The following OARD1 variants were observed in gnomAD, a reference collection of about 807,000 sequenced individuals.
OARD1 encodes O-acyl-ADP-ribose deacylase 1.
In OARD1, 19 loss-of-function variants were observed where a neutral mutation model predicts 19.7. The observed-to-expected ratio is 0.96, with a 90% CI of 0.67 to 1.41. The LOEUF is 1.41. OARD1 is among the 40% of genes most tolerant of loss of function. OARD1 has a pLI of 0.00. For synonymous variants in OARD1, 70 were observed against 61.8 expected, an observed-to-expected ratio of 1.13 and a Z score of -0.62; for missense variants, 190 against 183.8, an observed-to-expected ratio of 1.03 and a Z score of -0.20.
At chr6:41,071,870 G>A (rs1040468122) in intron 1 of OARD1, 195 bp from the exon 2 acceptor site, 5 of 516,632 alleles carry the variant, frequency 9.7e-6, no homozygotes, top group African/African-American at 7.6e-5. Context: ...AGGCTGTCTC[G>A]ACCCGCTCTC....
At chr6:41,076,253 A>C (rs1360321172), upstream of OARD1, among the ~76,000 whole-genome samples, 1 of 152,174 alleles carries the variant, frequency 6.6e-6, no homozygotes, top group East Asian at 1.9e-4. Context: ...TAAAAGAAAA[A>C]AAAGAATAGA....
upstream of OARD1, among the ~76,000 whole-genome samples, chr6:41,075,878 C>T (rs1304516532): frequency 2.0e-5 from 3 of 152,078 alleles, no homozygotes; most frequent in African/African-American, 4.8e-5. Flanking sequence ...TTTGAATCTT[C>T]GTCAGAGATT....
upstream of OARD1, chr6:41,072,548 G>A (rs1210726967): frequency 1.3e-5 from 2 of 152,312 alleles, no homozygotes; most frequent in African/African-American, 2.4e-5. Flanking sequence ...CTTTGGCGAA[G>A]GCCGCCGAAC....
At chr6:41,082,717 A>T (rs1763942724) in intron 1 of OARD1, among the ~76,000 whole-genome samples, 1 of 152,218 alleles carries the variant, frequency 6.6e-6, no homozygotes, top group African/African-American at 2.4e-5. Flanking sequence ...TGCTATATGT[A>T]TTCTGAGAAA....
At chr6:41,094,278 G>A (rs1205064143) in intron 1 of OARD1, 2 of 764,226 alleles carry the variant, frequency 2.6e-6, no homozygotes, top group Non-Finnish European at 4.4e-6. Context: ...AGTCATAATT[G>A]TCCCTTGTGA....
At position 41,067,355 on chromosome 6, in the gene OARD1, T is replaced by A; in HGVS notation, c.439A>T (p.Ile147Phe). Residue 147 changes from isoleucine (I) to phenylalanine (F), a missense_variant, in exon 6 of 6, where the codon ATT (isoleucine) becomes TTT (phenylalanine). Coordinates refer to ENST00000424266, the MANE Select transcript of OARD1 (RefSeq NM_001329686.2). ...CTGGTTCAGAGTGTGTACACAGTAA[T>A]TTTGATGTCTGTTGCCTCAAATACC... The part of the protein sequence containing the change: ...EEVFEATDIK[I>F]TVYTL 1.2e-6 allele frequency: 2 copies of A among 1,611,218 alleles called. No individual in the cohort carries two copies. Among genetic ancestry groups the A allele is most frequent in the Non-Finnish European group, 8.5e-7 (1 of 1,177,416 alleles).
rs76798198 is a variant in OARD1, at chr6:41,095,216, A to ACTC, written c.-42+2496_-42+2497insGAG. ...TAGACTGACATCCAAAGTGCTTACT[A>ACTC]CTATGCCCAGCAAAGCCTTACATGC... On this transcript the variant is annotated intron_variant, in intron 1 of 4. Transcript: ENST00000480585. 4.3e-4 allele frequency among the ~76,000 whole-genome samples: 66 copies of ACTC among 152,216 alleles called. 2 individuals are homozygous for ACTC. The East Asian group carries it at 0.013, about 29-fold the overall frequency.
intron 3 of OARD1, 40 bp downstream of exon 3, chr6:41,071,092 C>G (rs1432937634): frequency 2.5e-6 from 4 of 1,605,476 alleles, no homozygotes; most frequent in East Asian, 4.5e-5. Flanking sequence ...AAAAGGTGCT[C>G]TAGCCAGGGC....
intron 1 of OARD1, among the ~76,000 whole-genome samples, chr6:41,095,541 C>A (rs1764325729): frequency 6.6e-6 from 1 of 152,058 alleles, no homozygotes; most frequent in African/African-American, 2.4e-5. Flanking sequence ...AGTGATCCTC[C>A]CACTTTAGGC....
intron 1 of OARD1, chr6:41,097,415 A>T: frequency 6.2e-7 from 1 of 1,613,794 alleles, no homozygotes; most frequent in East Asian, 2.2e-5. Context: ...TCCTAACCCC[A>T]CGCCATGTGA....
At chr6:41,094,885 G>A (rs896141327) in intron 1 of OARD1, among the ~76,000 whole-genome samples, 10 of 152,150 alleles carry the variant, frequency 6.6e-5, no homozygotes, top group Non-Finnish European at 1.0e-4. Context: ...ATTCTTTCTT[G>A]AAAATCACAC....
rs1698672624 is a variant in OARD1, at chr6:41,071,151, C to T, written c.165G>A (p.Val55=). The part of the protein sequence containing the change: ...AVLFKKKFGG[V]QELLNQQKKS... ...ACTCACGTTGATTTAAAAGTTCTTG[C>T]ACCCCTCCAAATTTCTTCTTAAAGA... is the stretch of plus-strand genomic sequence containing the variant. The change falls in exon 3 of 6, where the codon GTG becomes GTA. Residue 55 remains valine (V), a synonymous_variant. Transcript: ENST00000424266. The T allele has an allele frequency of 1.9e-6, 3 of 1,614,236 alleles. No individual in the cohort carries two copies. Among genetic ancestry groups the T allele is most frequent in the Non-Finnish European group, 2.5e-6 (3 of 1,180,036 alleles).
chr6:41,093,221 A>G (rs1419573999), intron 1 of OARD1: 2 of 758,216 alleles, frequency 2.6e-6, no homozygotes, highest in Non-Finnish European at 4.0e-6. Flanking sequence ...CTTTTGTAAG[A>G]GTTAGCATTT....
At position 41,071,644 on chromosome 6, in the gene OARD1, T is replaced by C. The variant is rs766733649; in HGVS notation, c.-10A>G. ...TAAGGCTGCTGGCCATGATACTGAG[T>C]CGCTATTTCCAGAATTTAAGTGTTT... is the stretch of plus-strand genomic sequence containing the variant. On this transcript the variant is annotated 5_prime_UTR_variant, in exon 2 of 6. Coordinates refer to ENST00000424266, the MANE Select transcript of OARD1 (RefSeq NM_001329686.2). 8 of 1,611,984 alleles carry C rather than the reference T, an allele frequency of 5.0e-6. No homozygotes were observed. The highest frequency in any genetic ancestry group is 6.8e-6 in the Non-Finnish European group (8 of 1,178,150).
intron 1 of OARD1, among the ~76,000 whole-genome samples, chr6:41,093,716 C>G (rs1764262039): frequency 1.3e-5 from 2 of 152,228 alleles, no homozygotes; most frequent in African/African-American, 2.4e-5. Context: ...GGTGATCCAC[C>G]TGCCTGGGCC....
upstream of OARD1, among the ~76,000 whole-genome samples, chr6:41,076,380 T>C (rs1427726963): frequency 6.6e-6 from 1 of 152,264 alleles, no homozygotes; most frequent in Non-Finnish European, 1.5e-5. Flanking sequence ...ATGTGTTTCT[T>C]ACTAAGGGTT....
At chr6:41,074,800 C>T (rs897912704), upstream of OARD1, among the ~76,000 whole-genome samples, 38 of 152,154 alleles carry the variant, frequency 2.5e-4, no homozygotes, top group Admixed American at 1.5e-3. Flanking sequence ...AAACGAGTTT[C>T]TGACTTGTTT....
rs1763832146 is a variant in OARD1 at position 41,078,992 on chromosome 6, A to G, written c.-41-7317T>C. 5.9e-6 allele frequency: 6 copies of G among 1,012,740 alleles called. No individual in the cohort carries two copies. In the Admixed American group the frequency reaches 9.8e-5, roughly 17 times the overall value. The allele number at this position is 1,012,740 out of a possible 1,614,324, so 62.7% of individuals were successfully genotyped here. A position where few individuals can be genotyped will look rare whatever the true frequency, so the allele number is the denominator to read the frequency against. On this transcript the variant is annotated intron_variant, in intron 1 of 4. Transcript: ENST00000480585. ...ATTGTCTGGTAAGGCCTTTATTGAC[A>G]ATCTCACTTTAGTTTCTTTCCCCAC...
intron 1 of OARD1, among the ~76,000 whole-genome samples, chr6:41,086,521 A>AG (rs1382785941): frequency 6.7e-6 from 1 of 148,974 alleles, no homozygotes; most frequent in African/African-American, 2.4e-5. Flanking sequence ...TTTGTATAGG[A>AG]GTTTTTTTTC....
Sources: allele counts gnomAD v4.1 joint callset (sites outside exome capture counted in the v4.1 genomes callset), GRCh38; gene constraint gnomAD v4.1.1; transcripts MANE v1.5; gene names NCBI Gene and HGNC (gene_info 2026-07-23, HGNC 2026-07-21).